Variants in TMEM132C observed in about 807,000 individuals in gnomAD.
TMEM132C encodes protein phosphatase 1, regulatory subunit 152.
In TMEM132C, 29 loss-of-function variants were observed where a neutral mutation model predicts 61.4. That is an observed-to-expected ratio of 0.47 (90% confidence interval 0.35 to 0.64). The LOEUF (loss-of-function observed/expected upper bound fraction) is 0.64, where lower values mean the gene tolerates loss of function less well. Among genes scored for constraint, TMEM132C ranks in the 30% least tolerant of loss-of-function variants. The pLI is 0.00. For missense variants in TMEM132C, 1,408 were observed against 1,476.9 expected, an observed-to-expected ratio of 0.95 and a Z score of 0.76; for synonymous variants, 656 against 633.1, an observed-to-expected ratio of 1.04 and a Z score of -0.54.
At chr12:128,528,329 C>G (rs1046815113) in intron 2 of TMEM132C, among the ~76,000 whole-genome samples, 4 of 152,190 alleles carry the variant, frequency 2.6e-5, no homozygotes, top group Non-Finnish European at 4.4e-5. Context: ...GTTTATTCTC[C>G]CATAATTAAA....
chr12:128,336,493 CA>C (rs1285521768), intron 1 of TMEM132C, among the ~76,000 whole-genome samples: 2 of 152,132 alleles, frequency 1.3e-5, no homozygotes, highest in East Asian at 3.8e-4. Flanking sequence ...CTATTTCTAG[CA>C]AGACTATTCT....
chr12:128,495,509 T>A (rs1320688506), intron 2 of TMEM132C, among the ~76,000 whole-genome samples: 3 of 152,220 alleles, frequency 2.0e-5, no homozygotes, highest in Non-Finnish European at 4.4e-5. Flanking sequence ...GCTTTATGAA[T>A]CTGGGTGCTC....
At chr12:128,452,910 G>A (rs1239723892) in intron 2 of TMEM132C, among the ~76,000 whole-genome samples, 1 of 152,130 alleles carries the variant, frequency 6.6e-6, no homozygotes, top group East Asian at 1.9e-4. Context: ...AAGATAATAT[G>A]AAGTTGTATT....
chr12:128,692,665 G>A (rs749903501), intron 5 of TMEM132C, among the ~76,000 whole-genome samples: 2 of 152,104 alleles, frequency 1.3e-5, no homozygotes, highest in African/African-American at 4.8e-5. Flanking sequence ...GTCACAGTCC[G>A]CCCAGGTTAC....
rs372570857 is a variant in TMEM132C at position 128,476,119 on chromosome 12, C to T, written c.974+60499C>T. Among the ~76,000 whole-genome samples, 3 of 152,222 alleles carry T rather than the reference C, an allele frequency of 2.0e-5. No homozygotes were observed. The East Asian group carries it at 5.8e-4, about 29-fold the overall frequency. ...CAAAGGGCAAACTTCCCTTCAGAGT[C>T]AGTCTCTGATCATCCCTGCATTCTC... On this transcript the variant is annotated intron_variant, in intron 2 of 8. Transcript: ENST00000435159.
chr12:128,583,461 G>A (rs1390361186), intron 3 of TMEM132C, among the ~76,000 whole-genome samples: 1 of 152,040 alleles, frequency 6.6e-6, no homozygotes, highest in African/African-American at 2.4e-5. Flanking sequence ...CTCTGCAGGT[G>A]GAAAAGAGTT....
At chr12:128,383,381 T>C (rs752203182) in intron 1 of TMEM132C, among the ~76,000 whole-genome samples, 11 of 152,186 alleles carry the variant, frequency 7.2e-5, no homozygotes, top group Non-Finnish European at 1.5e-4. Context: ...TGAAATCAAC[T>C]TCACGTGGAA....
At position 128,412,616 on chromosome 12, in the gene TMEM132C, C is replaced by T. The variant is rs1409687847; in HGVS notation, c.86-2116C>T. Among the ~76,000 whole-genome samples the T allele has an allele frequency of 4.6e-5, 7 of 152,158 alleles. No homozygotes were observed. The South Asian group carries it at 6.2e-4, about 14-fold the overall frequency. The stretch of plus-strand genomic sequence containing the variant: ...AAATGGGAGTTCTCCTGCACAAGCT[C>T]GCTTGCCTGCCACCATGTAAGACAT... On this transcript the variant is annotated intron_variant, in intron 1 of 8. Transcript: ENST00000435159.
At chr12:128,621,671 T>C (rs944160999) in intron 4 of TMEM132C, among the ~76,000 whole-genome samples, 2 of 152,166 alleles carry the variant, frequency 1.3e-5, no homozygotes, top group African/African-American at 4.8e-5. Flanking sequence ...ACACAATGCA[T>C]CCTCATCTGC....
chr12:128,280,173 A>G (rs925459538), intron 1 of TMEM132C, among the ~76,000 whole-genome samples: 8 of 152,220 alleles, frequency 5.3e-5, no homozygotes, highest in African/African-American at 1.9e-4. Flanking sequence ...AAAGGTCTCT[A>G]GCTGAGAATG....
chr12:128,444,895 T>C, intron 2 of TMEM132C, among the ~76,000 whole-genome samples: 1 of 152,108 alleles, frequency 6.6e-6, no homozygotes, highest in East Asian at 1.9e-4. Context: ...AAGAACTCAT[T>C]AAGAAATTAT....
chr12:128,341,889 C>T (rs961539110), intron 1 of TMEM132C, among the ~76,000 whole-genome samples: 22 of 152,154 alleles, frequency 1.4e-4, no homozygotes, highest in African/African-American at 5.1e-4. Context: ...TTGAGTTATT[C>T]CAACTAATAT....
At chr12:128,626,075 T>C (rs1248556558) in intron 4 of TMEM132C, among the ~76,000 whole-genome samples, 1 of 152,124 alleles carries the variant, frequency 6.6e-6, no homozygotes, top group East Asian at 1.9e-4. Flanking sequence ...GAAACACATG[T>C]ACTACAGTAC....
chr12:128,655,109 C>G (rs1954311401), intron 4 of TMEM132C, among the ~76,000 whole-genome samples: 1 of 152,188 alleles, frequency 6.6e-6, no homozygotes, highest in Non-Finnish European at 1.5e-5. Context: ...TCATCCAGGA[C>G]TCTTGGGGTT....
At chr12:128,373,272 T>C (rs1205718967) in intron 1 of TMEM132C, among the ~76,000 whole-genome samples, 1 of 152,152 alleles carries the variant, frequency 6.6e-6, no homozygotes, top group African/African-American at 2.4e-5. Context: ...GGAGTGGAGC[T>C]GGTCCTCTCT....
intron 2 of TMEM132C, among the ~76,000 whole-genome samples, chr12:128,490,314 T>C (rs1871673382): frequency 6.6e-6 from 1 of 152,172 alleles, no homozygotes; most frequent in African/African-American, 2.4e-5. Flanking sequence ...TTCCTGGCCC[T>C]TCAGTGGTCA....
chr12:128,400,805 T>C (rs1372262894), intron 1 of TMEM132C, among the ~76,000 whole-genome samples: 1 of 151,944 alleles, frequency 6.6e-6, no homozygotes, highest in Non-Finnish European at 1.5e-5. Context: ...AGATGGGGTT[T>C]CACCATGTTG....
In TMEM132C at chr12:128,705,078, G is replaced by A; in HGVS notation, c.2122-12G>A. On this transcript the variant is annotated splice_polypyrimidine_tract_variant and intron_variant, in intron 8 of 8. Transcript: ENST00000435159. ...CCCCCAGGTGGTCTTCTAACTGCCT[G>A]TGTCCCTGCAGGAGGCTGTATTCAG... 1 of 1,512,552 alleles carries A rather than the reference G, an allele frequency of 6.6e-7. No homozygotes were observed. The highest frequency in any genetic ancestry group is 8.9e-7 in the Non-Finnish European group (1 of 1,121,790). 93.7% of individuals were successfully genotyped at this position (1,512,552 alleles called of 1,614,324 possible).
chr12:128,686,350 G>A (rs2135645066), intron 5 of TMEM132C, among the ~76,000 whole-genome samples: 2 of 152,288 alleles, frequency 1.3e-5, no homozygotes, highest in Middle Eastern at 3.4e-3. Flanking sequence ...CTATAGATTT[G>A]GGAGGCAAAG....
Sources: allele counts gnomAD v4.1 joint callset (sites outside exome capture counted in the v4.1 genomes callset), GRCh38; gene constraint gnomAD v4.1.1; transcripts MANE v1.5; gene names NCBI Gene and HGNC (gene_info 2026-07-23, HGNC 2026-07-21).